DDX59: variants seen among roughly 807,000 people sequenced by gnomAD.
The protein encoded by DDX59 is DEAD-box helicase 59, also known as probable ATP-dependent RNA helicase DDX59.
In DDX59, 30 loss-of-function variants were observed where a neutral mutation model predicts 51.9. That is an observed-to-expected ratio of 0.58 (90% CI 0.43 to 0.78). DDX59 has a LOEUF of 0.78. Ranked by LOEUF, DDX59 falls within the 30% of genes least tolerant of loss-of-function variation. The pLI, the probability that DDX59 is intolerant of heterozygous loss-of-function variation, is 0.00. For synonymous variants in DDX59, 255 were observed against 253.3 expected, an observed-to-expected ratio of 1.01 and a Z score of -0.06; for missense variants, 672 against 730.8, an observed-to-expected ratio of 0.92 and a Z score of 0.93.
At chr1:200,655,289 A>G (rs1661946535) in intron 4 of DDX59, among the ~76,000 whole-genome samples, 2 of 152,178 alleles carry the variant, frequency 1.3e-5, no homozygotes, top group African/African-American at 4.8e-5. Flanking sequence ...CTCAGGCATC[A>G]GAAGACTCAC....
At chr1:200,649,005 T>C (rs1661473403) in intron 6 of DDX59, 69 bp downstream of exon 6, 5 of 1,422,910 alleles carry the variant, frequency 3.5e-6, no homozygotes, top group Admixed American at 2.6e-5. Context: ...AGCTGTAATA[T>C]GGTTATCTCT....
intron 2 of DDX59, among the ~76,000 whole-genome samples, chr1:200,665,229 T>C (rs949317217): frequency 6.6e-5 from 10 of 151,964 alleles, no homozygotes; most frequent in African/African-American, 9.7e-5. Flanking sequence ...GCTGAGGCGG[T>C]TGGATTACCT....
At position 200,648,538 on chromosome 1, in the gene DDX59, T is replaced by C; in HGVS notation, c.1497A>G (p.Val499=). 6.2e-7 allele frequency: 1 copy of C among 1,613,894 alleles called. No homozygotes were observed. The highest frequency in any genetic ancestry group is 2.2e-5 in the East Asian group (1 of 44,890). Residue 499 remains valine, a synonymous_variant, in exon 7 of 8, where the codon GTA becomes GTG. Coordinates refer to ENST00000331314, the MANE Select transcript of DDX59 (RefSeq NM_001031725.6). ...KGLLEGDYEV[V]VSTGVLGRGL... Reference sequence around the variant, plus strand: ...CTCGTCCCAAGACTCCTGTGCTCACTACAACTTCATAGTCTCCTTCAAGTA... The same window carrying C: ...CTCGTCCCAAGACTCCTGTGCTCACCACAACTTCATAGTCTCCTTCAAGTA...
At chr1:200,658,848 G>A (rs1662197588) in intron 4 of DDX59, among the ~76,000 whole-genome samples, 179 bp downstream of exon 4, 1 of 152,134 alleles carries the variant, frequency 6.6e-6, no homozygotes, top group Non-Finnish European at 1.5e-5. Context: ...TTTAATTTTA[G>A]TGTAGTACAC....
chr1:200,647,808 C>G (rs1006013964), intron 7 of DDX59, among the ~76,000 whole-genome samples: 3 of 151,018 alleles, frequency 2.0e-5, no homozygotes, highest in Non-Finnish European at 4.4e-5. Context: ...CCCGTCTCTA[C>G]TAAAAATACA....
intron 7 of DDX59, among the ~76,000 whole-genome samples, chr1:200,646,176 A>G (rs1343915825): frequency 6.6e-6 from 1 of 152,032 alleles, no homozygotes; most frequent in Non-Finnish European, 1.5e-5. Flanking sequence ...TCTACAAAAA[A>G]CAGAAAAATT....
intron 5 of DDX59, 34 bp downstream of exon 5, chr1:200,650,391 T>C (rs1453551936): frequency 2.5e-6 from 4 of 1,577,318 alleles, no homozygotes; most frequent in Non-Finnish European, 3.5e-6. Flanking sequence ...GCAAACACAA[T>C]CCATAAAACA....
At chr1:200,651,756 C>T in intron 4 of DDX59, among the ~76,000 whole-genome samples, 1 of 152,068 alleles carries the variant, frequency 6.6e-6, no homozygotes, top group East Asian at 1.9e-4. Flanking sequence ...CACCTGTAAT[C>T]CCAGCACTTT....
At position 200,666,084 on chromosome 1, in the gene DDX59, C is replaced by T. The variant is rs769576081; in HGVS notation, c.657G>A (p.Lys219=). The change falls in exon 2 of 8, where the codon AAG becomes AAA. Residue 219 remains lysine, a synonymous_variant. Coordinates refer to ENST00000331314, the MANE Select transcript of DDX59 (RefSeq NM_001031725.6). ...GAGTTGGCACCTCATAGCCTGATTT[C>T]TTCAAGTTGTGATTTAAGACCTCAG... ...SLPEVLNHNL[K]KSGYEVPTPI... The T allele has an allele frequency of 3.1e-6, 5 of 1,614,058 alleles. No individual in the cohort carries two copies. The African/African-American group carries it at 6.7e-5, about 22-fold the overall frequency.
At chr1:200,650,279 C>T in intron 5 of DDX59, 146 bp downstream of exon 5, 1 of 830,260 alleles carries the variant, frequency 1.2e-6, no homozygotes, top group Admixed American at 3.1e-5. Flanking sequence ...ATTTGATTCT[C>T]ATAGAATTCT....
intron 3 of DDX59, among the ~76,000 whole-genome samples, chr1:200,663,105 C>T (rs1662482511): frequency 6.6e-6 from 1 of 152,124 alleles, no homozygotes; most frequent in African/African-American, 2.4e-5. Flanking sequence ...ACTGCAGGAG[C>T]TTCATCCCAG....
At chr1:200,661,904 T>C (rs1662398185) in intron 3 of DDX59, among the ~76,000 whole-genome samples, 1 of 152,156 alleles carries the variant, frequency 6.6e-6, no homozygotes, top group Non-Finnish European at 1.5e-5. Flanking sequence ...GGGGGCTATT[T>C]CTCATGGTTT....
At chr1:200,658,986 G>A in intron 4 of DDX59, 41 bp downstream of exon 4, 1 of 1,470,932 alleles carries the variant, frequency 6.8e-7, no homozygotes, top group Non-Finnish European at 9.4e-7. Flanking sequence ...TCCATAAATT[G>A]TGTAAAATCA....
At chr1:200,655,977 C>T (rs1012331267) in intron 4 of DDX59, among the ~76,000 whole-genome samples, 2 of 152,086 alleles carry the variant, frequency 1.3e-5, no homozygotes, top group Non-Finnish European at 1.5e-5. Context: ...ATTACAGGCA[C>T]GCGCCACCAC....
At chr1:200,642,733 G>T (rs1661084910), downstream of DDX59, among the ~76,000 whole-genome samples, 1 of 152,210 alleles carries the variant, frequency 6.6e-6, no homozygotes, top group South Asian at 2.1e-4. Context: ...CCCCTATTGG[G>T]TATTTGACAT....
In DDX59 at chr1:200,666,022, C is replaced by T; in HGVS notation, c.719G>A (p.Gly240Glu). ...ATCTGCACTGGCCAGAATGTCTCTT[C>T]CCAGAAGTCCCACAGGAATCATCTG... ...QMQMIPVGLLGRDILASADTG... is the reference protein window; with the variant it reads ...QMQMIPVGLLERDILASADTG... Residue 240 changes from glycine (G) to glutamate (E), a missense_variant, in exon 2 of 8, where the codon GGA becomes GAA. Coordinates refer to ENST00000331314, the MANE Select transcript of DDX59 (RefSeq NM_001031725.6). 8 of 1,614,208 alleles carry T rather than the reference C, an allele frequency of 5.0e-6. No homozygotes were observed. Among genetic ancestry groups the T allele is most frequent in the East Asian group, 2.2e-5 (1 of 44,890 alleles).
At chr1:200,653,445 G>C (rs562279997) in intron 4 of DDX59, among the ~76,000 whole-genome samples, 2 of 152,258 alleles carry the variant, frequency 1.3e-5, no homozygotes, top group African/African-American at 4.8e-5. Context: ...CCTCAGAGCT[G>C]GTCGCTTCTC....
intron 2 of DDX59, among the ~76,000 whole-genome samples, chr1:200,664,736 C>T (rs1352149465): frequency 6.6e-6 from 1 of 151,888 alleles, no homozygotes; most frequent in Non-Finnish European, 1.5e-5. Context: ...AGTGCAATGG[C>T]ACAATCTCGG....
intron 1 of DDX59, among the ~76,000 whole-genome samples, chr1:200,668,809 T>C (rs1035900126): frequency 6.6e-6 from 1 of 152,330 alleles, no homozygotes; most frequent in African/African-American, 2.4e-5. Flanking sequence ...CTCTGCACAA[T>C]AAAACTTGGT....
Sources: gnomAD v4.1 joint callset for allele counts (sites outside exome capture counted in the v4.1 genomes callset) on GRCh38, gnomAD v4.1.1 for gene constraint, MANE v1.5 for transcripts, NCBI Gene and HGNC (gene_info 2026-07-23, HGNC 2026-07-21) for gene names.